Variants in ACBD6 observed in about 807,000 individuals in gnomAD.
The protein encoded by ACBD6 is acyl-CoA-binding domain-containing protein 6.
A neutral mutation model predicts 37.2 loss-of-function variants in ACBD6; 28 were observed. That is an observed-to-expected ratio of 0.75 (90% CI 0.56 to 1.03). ACBD6 has a LOEUF of 1.03. ACBD6 is among the 50% of genes least tolerant of loss of function. ACBD6 has a pLI of 0.00. For missense variants in ACBD6, 340 were observed against 337.4 expected, an observed-to-expected ratio of 1.01 and a Z score of -0.06; for synonymous variants, 113 against 126.8, an observed-to-expected ratio of 0.89 and a Z score of 0.73.
At chr1:180,379,989 T>C (rs1653577443) in intron 6 of ACBD6, among the ~76,000 whole-genome samples, 1 of 152,202 alleles carries the variant, frequency 6.6e-6, no homozygotes, top group Non-Finnish European at 1.5e-5. Flanking sequence ...AGGCCAAGCA[T>C]AGTGGCTCAT....
At chr1:180,394,691 T>C (rs1654198031) in intron 6 of ACBD6, among the ~76,000 whole-genome samples, 1 of 152,126 alleles carries the variant, frequency 6.6e-6, no homozygotes, top group Non-Finnish European at 1.5e-5. Flanking sequence ...GTAAGACAGT[T>C]CAAATTGCTA....
chr1:180,299,321 G>A (rs1018675612), intron 7 of ACBD6, among the ~76,000 whole-genome samples: 1 of 152,120 alleles, frequency 6.6e-6, no homozygotes, highest in Admixed American at 6.5e-5. Flanking sequence ...AATTAATGAG[G>A]GGATATACTG....
chr1:180,447,459 A>C (rs1204778314), intron 3 of ACBD6, among the ~76,000 whole-genome samples: 1 of 152,124 alleles, frequency 6.6e-6, no homozygotes, highest in East Asian at 1.9e-4. Flanking sequence ...TTAAGAATAA[A>C]TATTATATTA....
intron 6 of ACBD6, among the ~76,000 whole-genome samples, chr1:180,341,687 A>G (rs78904528): frequency 0.071 from 10,811 of 152,122 alleles, 414 homozygotes; most frequent in African/African-American, 0.11. Flanking sequence ...GTTCACTTCC[A>G]CTATTCTTCC....
chr1:180,490,729 T>A (rs1571577456), intron 3 of ACBD6, among the ~76,000 whole-genome samples: 1 of 147,668 alleles, frequency 6.8e-6, no homozygotes, highest in African/African-American at 2.5e-5. Context: ...GAGCTTACAG[T>A]GAGCCGAGAT....
At chr1:180,440,329 G>C (rs369276258) in intron 3 of ACBD6, among the ~76,000 whole-genome samples, 1 of 151,996 alleles carries the variant, frequency 6.6e-6, no homozygotes, top group African/African-American at 2.4e-5. Context: ...GCCTGGTCTC[G>C]AACTCCTGAC....
Position 180,438,802 on chromosome 1 carries a change from G to A in ACBD6, c.385-8540C>T, listed in dbSNP as rs147514847. ...ATAGTTTACATTAGGGTTCACTCTT[G>A]TATTGAACATTCTATGGGTTTGACA... On this transcript the variant is annotated intron_variant, in intron 3 of 7. Transcript: ENST00000367595. Among the ~76,000 whole-genome samples the A allele has an allele frequency of 3.1e-3, 473 of 152,186 alleles. 2 individuals are homozygous for A. Among genetic ancestry groups the A allele is most frequent in the Admixed American group, 8.6e-3 (132 of 15,282 alleles).
Position 180,397,597 on chromosome 1 carries a change from A to G in ACBD6, c.582T>C (p.Ala194=). ...CTCGATCACAGGCCCAGTGAAGTAG[A>G]GCCCTACCCTAAAAACACAGAAGAT... ...DVNVKDEEGR[A]LLHWACDRGH... The change falls in exon 6 of 8, where the codon GCT becomes GCC. Residue 194 remains alanine, a synonymous_variant. Coordinates refer to ENST00000367595, the MANE Select transcript of ACBD6 (RefSeq NM_032360.4). 2 of 1,613,596 alleles carry G rather than the reference A, an allele frequency of 1.2e-6. No individual in the cohort carries two copies. Among genetic ancestry groups the G allele is most frequent in the Non-Finnish European group, 8.5e-7 (1 of 1,179,522 alleles).
At chr1:180,298,162 G>A (rs1193713264) in intron 7 of ACBD6, among the ~76,000 whole-genome samples, 1 of 152,178 alleles carries the variant, frequency 6.6e-6, no homozygotes, top group Non-Finnish European at 1.5e-5. Context: ...CAACAAAGTT[G>A]AAGACACATT....
intron 5 of ACBD6, among the ~76,000 whole-genome samples, chr1:180,409,343 T>C (rs1647758392): frequency 6.6e-6 from 1 of 152,186 alleles, no homozygotes; most frequent in African/African-American, 2.4e-5. Flanking sequence ...GAAGCAATCA[T>C]GCCAAATTTA....
chr1:180,272,447 A>G (rs1206642212), intron 13 of ACBD6, among the ~76,000 whole-genome samples: 3 of 152,164 alleles, frequency 2.0e-5, no homozygotes, highest in African/African-American at 7.2e-5. Flanking sequence ...GTCATGCTCC[A>G]CAGGTTTTTT....
intron 6 of ACBD6, among the ~76,000 whole-genome samples, chr1:180,375,928 A>G (rs984247052): frequency 1.4e-4 from 22 of 152,190 alleles, no homozygotes; most frequent in African/African-American, 5.3e-4. Context: ...AATATCTACA[A>G]CATATACCAC....
chr1:180,396,535 C>G (rs993550764), intron 6 of ACBD6, among the ~76,000 whole-genome samples: 2 of 152,066 alleles, frequency 1.3e-5, no homozygotes, highest in African/African-American at 4.8e-5. Context: ...AAGACACTTG[C>G]AAATCATGTA....
intron 5 of ACBD6, among the ~76,000 whole-genome samples, chr1:180,399,556 C>T (rs182837116): frequency 2.6e-5 from 4 of 152,336 alleles, no homozygotes; most frequent in African/African-American, 9.6e-5. Flanking sequence ...GCGTGAGCCA[C>T]CACGCCCAGC....
chr1:180,292,628 T>C (rs1649757585), intron 7 of ACBD6, among the ~76,000 whole-genome samples: 2 of 151,782 alleles, frequency 1.3e-5, no homozygotes, highest in South Asian at 4.1e-4. Flanking sequence ...TTTTTTTTAA[T>C]AGATTCTTGG....
At chr1:180,445,441 T>C (rs948740355) in intron 3 of ACBD6, among the ~76,000 whole-genome samples, 1 of 152,250 alleles carries the variant, frequency 6.6e-6, no homozygotes, top group Non-Finnish European at 1.5e-5. Flanking sequence ...GTGCTTATAC[T>C]ATCCAACTTC....
At chr1:180,392,736 T>C (rs763172627) in intron 6 of ACBD6, among the ~76,000 whole-genome samples, 16 of 149,368 alleles carry the variant, frequency 1.1e-4, no homozygotes, top group Non-Finnish European at 2.1e-4. Context: ...GGATTACAGA[T>C]GGTTTTATTT....
intron 7 of ACBD6, among the ~76,000 whole-genome samples, chr1:180,303,029 C>A (rs1650192917): frequency 6.6e-6 from 1 of 152,090 alleles, no homozygotes; most frequent in Non-Finnish European, 1.5e-5. Flanking sequence ...GAAATGAAGG[C>A]AGAAATAAAG....
intron 3 of ACBD6, among the ~76,000 whole-genome samples, chr1:180,480,028 A>G (rs758857663): frequency 6.6e-5 from 10 of 152,106 alleles, no homozygotes; most frequent in Admixed American, 5.2e-4. Context: ...AGAAAATACA[A>G]GCAGTCTGAT....
Sources: allele counts gnomAD v4.1 joint callset (sites outside exome capture counted in the v4.1 genomes callset), GRCh38; gene constraint gnomAD v4.1.1; transcripts MANE v1.5; gene names NCBI Gene and HGNC (gene_info 2026-07-23, HGNC 2026-07-21).